The following ASB7 variants were observed in gnomAD, a reference collection of about 807,000 sequenced individuals.
The protein encoded by ASB7 is ankyrin repeat and SOCS box protein 7.
Under a neutral mutation model 32.5 loss-of-function variants are expected in ASB7, and 4 were observed. The ratio of observed to expected loss-of-function variants is 0.12; its 90% CI spans 0.06 to 0.28. The LOEUF (loss-of-function observed/expected upper bound fraction) is 0.28. Among genes scored for constraint, ASB7 ranks in the 10% least tolerant of loss-of-function variants. ASB7 has a pLI of 1.00. For missense variants in ASB7, 181 were observed against 407.1 expected (o/e 0.44, Z 4.78); for synonymous variants, 172 against 155.6 (o/e 1.11, Z -0.78).
rs2039701414 is a variant in ASB7 at position 100,612,093 on chromosome 15, G to A, written c.-51-73G>A. 6 of 803,320 alleles carry A rather than the reference G, an allele frequency of 7.5e-6. No homozygotes were observed. In the Admixed American group the frequency reaches 1.1e-4, roughly 15 times the overall value. The allele number at this position is 803,320 out of a possible 1,614,324, so 49.8% of individuals were successfully genotyped here. A position where few individuals can be genotyped will look rare whatever the true frequency, so the allele number is the denominator to read the frequency against. On this transcript the variant is annotated intron_variant, in intron 3 of 5. Coordinates refer to ENST00000332783, the MANE Select transcript of ASB7 (RefSeq NM_198243.3). ...ACTGATGTAGCAAATGGAATGTTCT[G>A]TGATATTTAATAGATGCAGTATCAG...
At chr15:100,619,315 A>G (rs2039771453) in intron 4 of ASB7, among the ~76,000 whole-genome samples, 1 of 152,232 alleles carries the variant, frequency 6.6e-6, no homozygotes, top group Non-Finnish European at 1.5e-5. Context: ...AATATATCCA[A>G]TAATTTATTG....
chr15:100,618,054 A>G (rs2039759285), intron 4 of ASB7, among the ~76,000 whole-genome samples: 1 of 152,182 alleles, frequency 6.6e-6, no homozygotes, highest in Non-Finnish European at 1.5e-5. Flanking sequence ...TCCTGGGCTC[A>G]AGCAGTCCTC....
chr15:100,616,687 G>A (rs1794512919), intron 4 of ASB7, among the ~76,000 whole-genome samples: 1 of 152,202 alleles, frequency 6.6e-6, no homozygotes, highest in African/African-American at 2.4e-5. Context: ...TTGTTTTTAT[G>A]TAGCACCTTT....
intron 4 of ASB7, among the ~76,000 whole-genome samples, chr15:100,615,177 A>G (rs1471312251): frequency 6.6e-6 from 1 of 152,220 alleles, no homozygotes; most frequent in East Asian, 1.9e-4. Flanking sequence ...TGGTGTTCAC[A>G]CAAGAGCGAA....
intron 5 of ASB7, 178 bp downstream of exon 5, chr15:100,630,220 T>A (rs944430409): frequency 7.6e-6 from 10 of 1,308,100 alleles, no homozygotes; most frequent in Non-Finnish European, 7.9e-6. Context: ...TCACAAGATT[T>A]CATAAAAATT....
At chr15:100,633,738 C>G (rs2039902274) in intron 5 of ASB7, among the ~76,000 whole-genome samples, 1 of 152,136 alleles carries the variant, frequency 6.6e-6, no homozygotes, top group Non-Finnish European at 1.5e-5. Context: ...TGAGGACAGA[C>G]AGCAGTGGAC....
At chr15:100,639,590 G>A (rs934914760) in intron 5 of ASB7, among the ~76,000 whole-genome samples, 3 of 152,172 alleles carry the variant, frequency 2.0e-5, no homozygotes, top group Admixed American at 6.5e-5. Flanking sequence ...TATTTTTGTA[G>A]GATGGTTTAT....
At chr15:100,610,716 A>G (rs898799916) in intron 3 of ASB7, among the ~76,000 whole-genome samples, 2 of 152,218 alleles carry the variant, frequency 1.3e-5, no homozygotes, top group African/African-American at 4.8e-5. Context: ...TACAGTCTAT[A>G]GTAAGTTTTG....
intron 2 of ASB7, among the ~76,000 whole-genome samples, chr15:100,603,980 A>T (rs189281388): frequency 4.7e-4 from 71 of 152,350 alleles, no homozygotes; most frequent in Admixed American, 8.5e-4. Context: ...TGTGTGACAA[A>T]TGTGGATGGG....
At chr15:100,636,960 G>A (rs2039927584) in intron 5 of ASB7, among the ~76,000 whole-genome samples, 2 of 152,306 alleles carry the variant, frequency 1.3e-5, no homozygotes, top group East Asian at 3.9e-4. Context: ...AGCGTGAATC[G>A]AGACAGTGGC....
chr15:100,630,000 G>A lies in ASB7; in HGVS notation c.775G>A (p.Gly259Arg). The A allele has an allele frequency of 6.2e-7, 1 of 1,610,808 alleles. No homozygotes were observed. The highest frequency in any genetic ancestry group is 1.1e-5 in the South Asian group (1 of 90,714). ...ATTGGCTGTTTCAATAAGTATTTCT[G>A]GAAGTAGTCGACCATGTTTGGATTT... is the stretch of plus-strand genomic sequence containing the variant. ...TPLAVSISIS[G>R]SSRPCLDFLQ... Residue 259 changes from glycine to arginine, a missense_variant, in exon 5 of 6, where the codon GGA becomes AGA. Transcript: ENST00000332783. The surrounding 1 kb of genome is among the most constrained non-coding windows in gnomAD (Gnocchi z 6.8).
At chr15:100,639,540 A>G (rs1467774074) in intron 5 of ASB7, among the ~76,000 whole-genome samples, 8 of 152,206 alleles carry the variant, frequency 5.3e-5, no homozygotes, top group Non-Finnish European at 1.0e-4. Flanking sequence ...CTCTAAAACA[A>G]GTGCCTTCCC....
intron 5 of ASB7, chr15:100,646,482 C>A: frequency 2.2e-6 from 1 of 464,344 alleles, no homozygotes; most frequent in Non-Finnish European, 4.4e-6. Context: ...GAAACTGACC[C>A]TTAATAAGGA....
chr15:100,644,645 T>C (rs1189402963), intron 5 of ASB7, among the ~76,000 whole-genome samples: 2 of 152,218 alleles, frequency 1.3e-5, no homozygotes, highest in Non-Finnish European at 2.9e-5. Flanking sequence ...GTGAGGAAGA[T>C]GGGCATTAAT....
In ASB7 at chr15:100,602,957, C is replaced by T; in HGVS notation, c.-362C>T. 1 of 399,086 alleles carries T rather than the reference C, an allele frequency of 2.5e-6. No homozygotes were observed. The highest frequency in any genetic ancestry group is 4.4e-6 in the Non-Finnish European group (1 of 226,422). 24.7% of individuals were successfully genotyped at this position (399,086 alleles called of 1,614,324 possible). On this transcript the variant is annotated 5_prime_UTR_variant, in exon 1 of 6. Transcript: ENST00000332783. The stretch of plus-strand genomic sequence containing the variant: ...GAGGAGGATCAGGAACACCAGGGTC[C>T]GGCCCTGCCTGGGGTATTTCTTCAA...
At chr15:100,625,486 T>C (rs1009366186) in intron 4 of ASB7, among the ~76,000 whole-genome samples, 1 of 152,158 alleles carries the variant, frequency 6.6e-6, no homozygotes, top group Non-Finnish European at 1.5e-5. Flanking sequence ...TTTAAAATAT[T>C]TAATAATAAA....
chr15:100,625,583 A>G (rs2039830814), intron 4 of ASB7, among the ~76,000 whole-genome samples: 1 of 152,190 alleles, frequency 6.6e-6, no homozygotes, highest in Non-Finnish European at 1.5e-5. Flanking sequence ...TCCCATGTTT[A>G]TGGTTTGGAA....
At position 100,629,295 on chromosome 15, in the gene ASB7, G is replaced by T; in HGVS notation, c.212-142G>T. Reference sequence around the variant, plus strand: ...TAAAACCAGACTTGAATTAAACTGAGGAAAAACGTACTTGATATTCATTAC... The same window carrying T: ...TAAAACCAGACTTGAATTAAACTGATGAAAAACGTACTTGATATTCATTAC... On this transcript the variant is annotated intron_variant, in intron 4 of 5. Transcript: ENST00000332783. This position sits in a 1 kb window ranked among gnomAD's most constrained non-coding sequence, Gnocchi z 6.8. 1.3e-6 allele frequency: 1 copy of T among 747,434 alleles called. No homozygotes were observed. Among genetic ancestry groups the T allele is most frequent in the Non-Finnish European group, 2.2e-6 (1 of 461,436 alleles). 46.3% of individuals were successfully genotyped at this position (747,434 alleles called of 1,614,324 possible).
chr15:100,636,875 G>T (rs936439350), intron 5 of ASB7, among the ~76,000 whole-genome samples: 4 of 152,226 alleles, frequency 2.6e-5, no homozygotes, highest in African/African-American at 9.6e-5. Flanking sequence ...ACTAAGATGT[G>T]ATTTGCCTTT....
Sources: allele counts gnomAD v4.1 joint callset (sites outside exome capture counted in the v4.1 genomes callset), GRCh38; gene constraint gnomAD v4.1.1; non-coding constraint Gnocchi (gnomAD v3.1); transcripts MANE v1.5; gene names NCBI Gene and HGNC (gene_info 2026-07-23, HGNC 2026-07-21).